Variants in PTPRN2 observed in about 807,000 individuals in gnomAD.
The protein encoded by PTPRN2 is receptor-type tyrosine-protein phosphatase N2.
Under a neutral mutation model 118.8 loss-of-function variants are expected in PTPRN2, and 74 were observed. The ratio of observed to expected loss-of-function variants is 0.62; its 90% CI spans 0.52 to 0.76. The LOEUF (loss-of-function observed/expected upper bound fraction) is 0.76. Among genes scored for constraint, PTPRN2 ranks in the 30% least tolerant of loss-of-function variants. The pLI is 0.00. For synonymous variants in PTPRN2, 641 were observed against 608.0 expected (o/e 1.05, Z -0.80); for missense variants, 1,481 against 1,394.4 (o/e 1.06, Z -0.99).
rs1823729327 is a variant in PTPRN2 at position 158,518,399 on chromosome 7, GC to G, written c.113-28615del. 2.0e-5 allele frequency among the ~76,000 whole-genome samples: 3 copies of G among 152,268 alleles called. No homozygotes were observed. In the South Asian group the frequency reaches 6.2e-4, roughly 32 times the overall value. Reference sequence around the variant, plus strand: ...GATATGAACACACAGGGACATCAGCGCTTGTCCTTTCTGGACTTAGCAAAGG... The same window carrying G: ...GATATGAACACACAGGGACATCAGCGTTGTCCTTTCTGGACTTAGCAAAGG... On this transcript the variant is annotated intron_variant, in intron 1 of 22. Coordinates refer to ENST00000389418, the MANE Select transcript of PTPRN2 (RefSeq NM_002847.5).
chr7:158,146,922 C>A lies in PTPRN2; in HGVS notation c.911-8407G>T, dbSNP rs565502110. On this transcript the variant is annotated intron_variant, in intron 6 of 22. Coordinates refer to ENST00000389418, the MANE Select transcript of PTPRN2 (RefSeq NM_002847.5). ...GATCCTGTGAAGAGACTGAATGACA[C>A]CCCATCTCACGCCACGTGTCTTTCC... 1.1e-4 allele frequency among the ~76,000 whole-genome samples: 17 copies of A among 151,506 alleles called. No individual in the cohort carries two copies. The East Asian group carries it at 3.3e-3, about 29-fold the overall frequency.
intron 11 of PTPRN2, among the ~76,000 whole-genome samples, chr7:157,996,275 C>T (rs1357568270): frequency 6.6e-6 from 1 of 152,166 alleles, no homozygotes; most frequent in Non-Finnish European, 1.5e-5. Context: ...GCTGCAGACC[C>T]GGGACGCTGG....
chr7:158,512,152 G>A (rs992404156), intron 1 of PTPRN2, among the ~76,000 whole-genome samples: 2 of 152,196 alleles, frequency 1.3e-5, no homozygotes, highest in Non-Finnish European at 2.9e-5. Context: ...CACCAACGGG[G>A]CAGGAGAAAA....
rs1801857447 is a variant in PTPRN2 at position 157,604,013 on chromosome 7, C to T, written c.2407G>A (p.Ala803Thr). The T allele has an allele frequency of 6.2e-7, 1 of 1,613,900 alleles. No homozygotes were observed. The highest frequency in any genetic ancestry group is 8.5e-7 in the Non-Finnish European group (1 of 1,179,956). Residue 803 changes from alanine (A) to threonine (T), a missense_variant, in exon 16 of 23, where the codon GCT (alanine) becomes ACT (threonine). Ala to Thr is a moderately conservative substitution (Grantham distance 58). Coordinates refer to ENST00000389418, the MANE Select transcript of PTPRN2 (RefSeq NM_002847.5). The stretch of plus-strand genomic sequence containing the variant: ...GGCAGTGCACTTACGATGGGGCTAG[C>T]GTTGATGTAGTCTGAGTGGCTGTGG... ...NSHSHSDYIN[A>T]SPIMDHDPRN...
chr7:158,520,577 G>A (rs1823905077), intron 1 of PTPRN2, among the ~76,000 whole-genome samples: 1 of 152,190 alleles, frequency 6.6e-6, no homozygotes, highest in Non-Finnish European at 1.5e-5. Flanking sequence ...CTTCCGTCAG[G>A]AGCAACAGTG....
chr7:157,772,213 A>G (rs1468730546), intron 12 of PTPRN2, among the ~76,000 whole-genome samples: 4 of 151,950 alleles, frequency 2.6e-5, no homozygotes, highest in Non-Finnish European at 5.9e-5. Context: ...ACAGAGACAC[A>G]CATAGACACA....
At chr7:158,194,251 T>G (rs942276856) in intron 4 of PTPRN2, among the ~76,000 whole-genome samples, 13 of 152,232 alleles carry the variant, frequency 8.5e-5, no homozygotes, top group South Asian at 2.1e-4. Flanking sequence ...AAAGATTTCG[T>G]AGACATGGAG....
chr7:157,612,563 GA>G (rs1343768597), intron 15 of PTPRN2, among the ~76,000 whole-genome samples: 4 of 152,212 alleles, frequency 2.6e-5, no homozygotes, highest in Non-Finnish European at 5.9e-5. Flanking sequence ...CCGTTTTGTG[GA>G]TCGGGGGCAG....
At chr7:157,943,847 C>A (rs563106654) in intron 11 of PTPRN2, among the ~76,000 whole-genome samples, 88 of 152,318 alleles carry the variant, frequency 5.8e-4, no homozygotes, top group African/African-American at 2.0e-3. Context: ...TGGAAGTTCA[C>A]AGAGGCCGCA....
chr7:157,899,701 T>G (rs1797331694), intron 11 of PTPRN2, among the ~76,000 whole-genome samples: 1 of 152,180 alleles, frequency 6.6e-6, no homozygotes, highest in Non-Finnish European at 1.5e-5. Context: ...GAGATCTTGT[T>G]ACAGCCTGCC....
intron 1 of PTPRN2, among the ~76,000 whole-genome samples, chr7:158,520,373 A>G (rs745596233): frequency 4.6e-5 from 7 of 152,228 alleles, no homozygotes; most frequent in African/African-American, 7.2e-5. Context: ...ATTTTTCCTG[A>G]AAATTATTAT....
chr7:158,269,074 C>T (rs1045428704), intron 3 of PTPRN2, among the ~76,000 whole-genome samples: 14 of 152,202 alleles, frequency 9.2e-5, no homozygotes, highest in Admixed American at 2.0e-4. Context: ...CAACTTTGAA[C>T]GGAGGAGCAC....
intron 12 of PTPRN2, among the ~76,000 whole-genome samples, chr7:157,770,762 T>C (rs1237792729): frequency 6.6e-6 from 1 of 152,196 alleles, no homozygotes; most frequent in Admixed American, 6.5e-5. Flanking sequence ...ATGAGGCGCC[T>C]GCATTCAGAT....
intron 9 of PTPRN2, among the ~76,000 whole-genome samples, chr7:158,133,117 T>C (rs1265345657): frequency 2.0e-5 from 3 of 152,218 alleles, no homozygotes; most frequent in African/African-American, 7.2e-5. Flanking sequence ...AGAGGCTCGC[T>C]GCTGTGAAGC....
At chr7:158,210,208 T>C (rs1419223577) in intron 3 of PTPRN2, among the ~76,000 whole-genome samples, 3 of 141,334 alleles carry the variant, frequency 2.1e-5, no homozygotes, top group Non-Finnish European at 4.5e-5. Context: ...CGATCTCGGC[T>C]CACTGCAAGC....
intron 3 of PTPRN2, among the ~76,000 whole-genome samples, chr7:158,265,917 T>C (rs1220166877): frequency 6.6e-6 from 1 of 152,204 alleles, no homozygotes; most frequent in Non-Finnish European, 1.5e-5. Flanking sequence ...CCCATCTGTT[T>C]GCCCAGCTTC....
chr7:158,321,206 C>T (rs1026657799), intron 2 of PTPRN2, among the ~76,000 whole-genome samples: 19 of 152,108 alleles, frequency 1.2e-4, no homozygotes, highest in African/African-American at 4.1e-4. Context: ...ACGTGCAGTG[C>T]GGCCTCTGAA....
rs1585123262 is a variant in PTPRN2, at chr7:157,977,303, T to C, written c.1724-78566A>G. Among the ~76,000 whole-genome samples the C allele has an allele frequency of 6.6e-6, 1 of 151,882 alleles. No homozygotes were observed. The highest frequency in any genetic ancestry group is 2.4e-5 in the African/African-American group (1 of 41,416). On this transcript the variant is annotated intron_variant, in intron 11 of 22. Coordinates refer to ENST00000389418, the MANE Select transcript of PTPRN2 (RefSeq NM_002847.5). This position sits in a 1 kb window ranked among gnomAD's most constrained non-coding sequence, Gnocchi z 4.6. ...TGTGGTGGCACTGATCCAAATTCAA[T>C]GAACAAGGTGATTTCTGATCAGGGC...
At chr7:158,186,522 G>T (rs769632404) in intron 5 of PTPRN2, among the ~76,000 whole-genome samples, 2 of 152,126 alleles carry the variant, frequency 1.3e-5, no homozygotes, top group Non-Finnish European at 2.9e-5. Context: ...ACCCCCTCTG[G>T]CATGAGTACG....
Sources: gnomAD v4.1 joint callset for allele counts (sites outside exome capture counted in the v4.1 genomes callset) on GRCh38, gnomAD v4.1.1 for gene constraint, Gnocchi (gnomAD v3.1) non-coding constraint, MANE v1.5 for transcripts, NCBI Gene and HGNC (gene_info 2026-07-23, HGNC 2026-07-21) for gene names.